The following ZNF516 variants were observed in gnomAD, a reference collection of about 807,000 sequenced individuals.
The protein encoded by ZNF516 is zinc finger protein 516.
ZNF516 carries 19 observed loss-of-function variants against 79.7 expected under a neutral mutation model. The ratio of observed to expected loss-of-function variants is 0.24; its 90% CI spans 0.17 to 0.35. The LOEUF (loss-of-function observed/expected upper bound fraction) is 0.35. ZNF516 is among the 10% of genes least tolerant of loss of function. ZNF516 has a pLI of 1.00. For synonymous variants in ZNF516, 877 were observed against 739.5 expected (o/e 1.19, Z -3.02); for missense variants, 1,678 against 1,679.5 (o/e 1.00, Z 0.02).
In ZNF516 at chr18:76,378,953, C is replaced by A. The variant is rs377424746; in HGVS notation, c.3161G>T (p.Arg1054Leu). The A allele has an allele frequency of 1.2e-6, 2 of 1,613,774 alleles. No individual in the cohort carries two copies. The highest frequency in any genetic ancestry group is 1.7e-6 in the Non-Finnish European group (2 of 1,179,816). ...QEPVAEGHEK[R>L]LDILNIFKTY... The stretch of plus-strand genomic sequence containing the variant: ...CTTAAAGATGTTGAGGATGTCCAGG[C>A]GCTTCTCATGCCCCTCGGCCACCGG... The change falls in exon 4 of 7, where the codon CGC (arginine) becomes CTC (leucine). Residue 1054 changes from arginine (R) to leucine (L), a missense_variant. Coordinates refer to ENST00000443185, the MANE Select transcript of ZNF516 (RefSeq NM_014643.4).
rs571461431 is a variant in ZNF516 at position 76,440,761 on chromosome 18, T to TGTGTGTGTGTGCGC, written c.1810+483_1810+484insGCGCACACACACAC. Among the ~76,000 whole-genome samples the TGTGTGTGTGTGCGC allele has an allele frequency of 1.1e-3, 160 of 150,238 alleles. 1 individual carries two copies. Among genetic ancestry groups the TGTGTGTGTGTGCGC allele is most frequent in the African/African-American group, 3.7e-3 (151 of 40,862 alleles). ...GTGTGTTTGTGTGTGTGTGTGTGTG[T>TGTGTGTGTGTGCGC]GCGCGCACGCGCGCATGCATCGTAT... On this transcript the variant is annotated intron_variant, in intron 3 of 6. Coordinates refer to ENST00000443185, the MANE Select transcript of ZNF516 (RefSeq NM_014643.4).
In ZNF516 at chr18:76,455,379, C is replaced by T. The variant is rs551951626; in HGVS notation, c.-158+7649G>A. 2.6e-5 allele frequency among the ~76,000 whole-genome samples: 4 copies of T among 152,354 alleles called. No individual in the cohort carries two copies. In the East Asian group the frequency reaches 7.7e-4, roughly 29 times the overall value. On this transcript the variant is annotated intron_variant, in intron 2 of 6. Transcript: ENST00000443185. ...TGGAGGCACACAGCAACACACACAA[C>T]CCTAGACTCCTTTTCTCTGATTTGT...
At position 76,442,022 on chromosome 18, in the gene ZNF516, T is replaced by C. The variant is rs749265293; in HGVS notation, c.1033A>G (p.Thr345Ala). 2.4e-5 allele frequency: 39 copies of C among 1,613,766 alleles called. No individual in the cohort carries two copies. The highest frequency in any genetic ancestry group is 3.2e-5 in the Non-Finnish European group (38 of 1,179,882). Residue 345 changes from threonine (T) to alanine (A), a missense_variant, in exon 3 of 7, where the codon ACA becomes GCA. Physicochemically the swap from Thr to Ala is moderately conservative, Grantham distance 58 (BLOSUM62 0). This residue lies in a region of ZNF516 where 1,294 missense variants were observed against 1,248.3 expected (regional missense o/e 1.04). Transcript: ENST00000443185. ...TGGGCGTTCAAGCTGTCCAGGTTTG[T>C]AAACAGGTTCCCGCACTTGGCGCAG... The part of the protein sequence containing the change: ...EVCAKCGNLF[T>A]NLDSLNAHNA...
At chr18:76,464,702 G>T (rs1599132690) in intron 1 of ZNF516, among the ~76,000 whole-genome samples, 1 of 150,210 alleles carries the variant, frequency 6.7e-6, no homozygotes, top group South Asian at 2.1e-4. Context: ...AGGCCTCCCT[G>T]GCACCCCCAG....
At chr18:76,366,331 T>C (rs1431040428) in intron 6 of ZNF516, among the ~76,000 whole-genome samples, 2 of 152,236 alleles carry the variant, frequency 1.3e-5, no homozygotes, top group African/African-American at 2.4e-5. Context: ...GTAAGGGCAG[T>C]TGTTCTACAA....
chr18:76,375,415 G>A (rs544552959), intron 4 of ZNF516, among the ~76,000 whole-genome samples: 1 of 152,006 alleles, frequency 6.6e-6, no homozygotes, highest in East Asian at 1.9e-4. Context: ...GGTAGACAAT[G>A]GATGGGGAAG....
chr18:76,466,867 G>A (rs1164408551), intron 1 of ZNF516, among the ~76,000 whole-genome samples: 1 of 152,244 alleles, frequency 6.6e-6, no homozygotes, highest in African/African-American at 2.4e-5. Context: ...ACCAGGACCT[G>A]GAGTCTATGG....
intron 1 of ZNF516, among the ~76,000 whole-genome samples, chr18:76,488,432 T>TC (rs1914958602): frequency 6.9e-6 from 1 of 143,996 alleles, no homozygotes; most frequent in Non-Finnish European, 1.5e-5. Flanking sequence ...CACGTCCAGC[T>TC]CCCCGAGCAG....
chr18:76,386,212 TGTG>T (rs987293754), intron 3 of ZNF516: 8 of 152,148 alleles, frequency 5.3e-5, no homozygotes, highest in African/African-American at 1.9e-4. Context: ...ATTGGGGGGC[TGTG>T]GTGTTTTGCT....
At chr18:76,456,057 T>A (rs554894548) in intron 2 of ZNF516, among the ~76,000 whole-genome samples, 5 of 152,144 alleles carry the variant, frequency 3.3e-5, no homozygotes. Context: ...GTAGGACCCA[T>A]CAATAATGAG....
rs778482842 is a variant in ZNF516 at position 76,442,559 on chromosome 18, C to T, written c.496G>A (p.Ala166Thr). Residue 166 changes from alanine to threonine, a missense_variant, in exon 3 of 7, where the codon GCC (alanine) becomes ACC (threonine). By Grantham distance (58) the Ala-to-Thr change is moderately conservative (BLOSUM62 0). This residue lies in a region of ZNF516 where 279 missense variants were observed against 254.1 expected (regional missense o/e 1.10). Coordinates refer to ENST00000443185, the MANE Select transcript of ZNF516 (RefSeq NM_014643.4). ...ACCGCTGCCTTGGCCTCCCCCGGGG[C>T]GCATGCGGACCCCTCTGCCCCCTTC... ...SKKGAEGSAC[A>T]PGEAKAAVQC... The T allele has an allele frequency of 2.3e-5, 36 of 1,598,644 alleles. No individual in the cohort carries two copies. Among genetic ancestry groups the T allele is most frequent in the Middle Eastern group, 1.6e-4 (1 of 6,078 alleles).
intron 2 of ZNF516, among the ~76,000 whole-genome samples, chr18:76,456,879 G>A (rs986879923): frequency 6.6e-6 from 1 of 152,176 alleles, no homozygotes; most frequent in African/African-American, 2.4e-5. Context: ...CGTTTACTCT[G>A]AGTTTTGTTG....
At chr18:76,468,713 C>A (rs1291143042) in intron 1 of ZNF516, among the ~76,000 whole-genome samples, 1 of 152,140 alleles carries the variant, frequency 6.6e-6, no homozygotes, top group Non-Finnish European at 1.5e-5. Context: ...AGCCAACGCG[C>A]CCGGCCGTGT....
intron 1 of ZNF516, among the ~76,000 whole-genome samples, chr18:76,485,096 T>C (rs117612991): frequency 1.1e-3 from 170 of 152,328 alleles, no homozygotes; most frequent in Non-Finnish European, 1.8e-3. Flanking sequence ...CTTGCTTGCC[T>C]CTCATTTTAA....
chr18:76,466,214 C>T (rs1209208339), intron 1 of ZNF516, among the ~76,000 whole-genome samples: 1 of 152,216 alleles, frequency 6.6e-6, no homozygotes, highest in East Asian at 1.9e-4. Context: ...TGGGTTTACT[C>T]CTAGGGTGCT....
intron 6 of ZNF516, among the ~76,000 whole-genome samples, chr18:76,366,926 G>A (rs1235669327): frequency 6.6e-6 from 1 of 152,176 alleles, no homozygotes; most frequent in African/African-American, 2.4e-5. Context: ...TATATTATCT[G>A]GGTCTCTCAG....
intron 3 of ZNF516, among the ~76,000 whole-genome samples, chr18:76,411,043 T>G (rs2075367799): frequency 6.6e-6 from 1 of 152,224 alleles, no homozygotes; most frequent in Non-Finnish European, 1.5e-5. Flanking sequence ...TTTGCTGCTA[T>G]GAAATGCTTC....
At position 76,485,916 on chromosome 18, in the gene ZNF516, A is replaced by AAATAATAGTAATAAT. The variant is rs1555721328; in HGVS notation, c.-272+9227_-272+9228insATTATTACTATTATT. 5.0e-3 allele frequency among the ~76,000 whole-genome samples: 747 copies of AAATAATAGTAATAAT among 148,480 alleles called. 5 individuals are homozygous for AAATAATAGTAATAAT. The highest frequency in any genetic ancestry group is 0.017 in the African/African-American group (691 of 40,934). On this transcript the variant is annotated intron_variant, in intron 1 of 6. Transcript: ENST00000443185. ...GACAAAAGCTGAGTCTTTTTGACAA[A>AAATAATAGTAATAAT]AATAATAATAATAATAAACATACTT...
At chr18:76,429,102 G>A (rs1362299568) in intron 3 of ZNF516, among the ~76,000 whole-genome samples, 3 of 152,232 alleles carry the variant, frequency 2.0e-5, no homozygotes, top group Admixed American at 1.3e-4. Flanking sequence ...ACCTGGTAGG[G>A]GATGAGGAGT....
Sources: gnomAD v4.1 joint callset for allele counts (sites outside exome capture counted in the v4.1 genomes callset) on GRCh38, gnomAD v4.1.1 for gene constraint, gnomAD v4.1.1 regional missense constraint, MANE v1.5 for transcripts, NCBI Gene and HGNC (gene_info 2026-07-23, HGNC 2026-07-21) for gene names.